ZNF677: variants seen among roughly 807,000 people sequenced by gnomAD.
The protein encoded by ZNF677 is zinc finger protein 677, also known as hypothetical protein MGC48625.
A neutral mutation model predicts 8.1 loss-of-function variants in ZNF677; 5 were observed. The ratio of observed to expected loss-of-function variants is 0.62; its 90% CI spans 0.32 to 1.29. The LOEUF (loss-of-function observed/expected upper bound fraction) is 1.29. ZNF677 is among the 50% of genes most tolerant of loss of function. The pLI, the probability that ZNF677 is intolerant of heterozygous loss-of-function variation, is 0.05. For synonymous variants in ZNF677, 221 were observed against 225.6 expected, an observed-to-expected ratio of 0.98 and a Z score of 0.18; for missense variants, 685 against 685.9, an observed-to-expected ratio of 1.00 and a Z score of 0.01.
rs374498719 is a variant in ZNF677, at chr19:53,237,986, A to C, written c.741T>G (p.Pro247=). The part of the protein sequence containing the change: ...CNKYRKILKY[P]LLHTQYGRTH... ...TTCTCCCATACTGTGTATGTAATAA[A>C]GGGTATTTCAAAATCTTCCTATATT... The change falls in exon 5 of 5, where the codon CCT becomes CCG. Residue 247 remains proline, a synonymous_variant. Transcript: ENST00000598513. 8.7e-5 allele frequency: 141 copies of C among 1,612,914 alleles called. No homozygotes were observed. The highest frequency in any genetic ancestry group is 1.2e-4 in the Non-Finnish European group (137 of 1,179,854).
rs577320552 is a variant in ZNF677 at position 53,250,303 on chromosome 19, C to G, written c.15+1233G>C. Among the ~76,000 whole-genome samples the G allele has an allele frequency of 2.6e-5, 4 of 152,274 alleles. No individual in the cohort carries two copies. The East Asian group carries it at 7.7e-4, about 29-fold the overall frequency. On this transcript the variant is annotated intron_variant, in intron 3 of 4. Transcript: ENST00000598513. ...ATCCTGGAAGACAGTGTGGTGATTC[C>G]TCAAAGATCGAAAAACAGAATTACC...
intron 3 of ZNF677, among the ~76,000 whole-genome samples, 168 bp downstream of exon 3, chr19:53,251,368 G>A (rs1467790645): frequency 6.6e-6 from 1 of 152,096 alleles, no homozygotes; most frequent in African/African-American, 2.4e-5. Flanking sequence ...CCGTGTTACC[G>A]GGTCACAGTG....
chr19:53,237,482 G>A lies in ZNF677; in HGVS notation c.1245C>T (p.Cys415=). The part of the protein sequence containing the change: ...CNECGKAFKQ[C]SHLTRHQNIH... ...TATTCTGATGCCTAGTGAGATGTGA[G>A]CACTGCTTAAAAGCTTTGCCACACT... The change falls in exon 5 of 5, where the codon TGC becomes TGT. Residue 415 remains cysteine (C), a synonymous_variant. Transcript: ENST00000598513. 1 of 1,613,056 alleles carries A rather than the reference G, an allele frequency of 6.2e-7. No homozygotes were observed. Among genetic ancestry groups the A allele is most frequent in the Non-Finnish European group, 8.5e-7 (1 of 1,179,646 alleles).
chr19:53,247,107 G>A (rs542747254), intron 3 of ZNF677, among the ~76,000 whole-genome samples: 4 of 152,080 alleles, frequency 2.6e-5, no homozygotes, highest in South Asian at 2.1e-4. Context: ...AGTTTCACTC[G>A]ATTGTGGTGT....
chr19:53,253,516 C>T (rs2091266868), intron 1 of ZNF677, among the ~76,000 whole-genome samples: 1 of 152,116 alleles, frequency 6.6e-6, no homozygotes, highest in Admixed American at 6.6e-5. Context: ...GGTGAAAATC[C>T]CGTCTCTGCT....
chr19:53,236,936 T>C lies in ZNF677; in HGVS notation c.*36A>G, dbSNP rs747263373. On this transcript the variant is annotated 3_prime_UTR_variant, in exon 5 of 5. Transcript: ENST00000598513. ...GCTAAAGGCTTTACCACATTTTCGTTTTATATGGTTTCTTTTCACAATGGA... is the reference window on the plus strand; with the variant it reads ...GCTAAAGGCTTTACCACATTTTCGTCTTATATGGTTTCTTTTCACAATGGA... 6.6e-7 allele frequency: 1 copy of C among 1,513,188 alleles called. No individual in the cohort carries two copies. 93.7% of individuals were successfully genotyped at this position (1,513,188 alleles called of 1,614,324 possible).
At chr19:53,250,309 G>A (rs1454690631) in intron 3 of ZNF677, among the ~76,000 whole-genome samples, 2 of 152,164 alleles carry the variant, frequency 1.3e-5, no homozygotes, top group African/African-American at 4.8e-5. Flanking sequence ...ATTCCTCAAA[G>A]ATCGAAAAAC....
At chr19:53,241,207 T>C (rs928616993) in intron 4 of ZNF677, 3 of 151,946 alleles carry the variant, frequency 2.0e-5, no homozygotes, top group Admixed American at 6.6e-5. Context: ...AAAATATATA[T>C]AATAAAACAA....
Position 53,236,627 on chromosome 19 carries a change from G to C in ZNF677, c.*345C>G, listed in dbSNP as rs2090974627. The stretch of plus-strand genomic sequence containing the variant: ...ATAATTTACCACCTTCACTTGTAAT[G>C]CTTCTCTCCAATATGAATGGTGTAT... On this transcript the variant is annotated 3_prime_UTR_variant, in exon 5 of 5. Transcript: ENST00000598513. 6.0e-6 allele frequency: 1 copy of C among 166,172 alleles called. No homozygotes were observed. The highest frequency in any genetic ancestry group is 1.3e-5 in the Non-Finnish European group (1 of 77,710). 10.3% of individuals were successfully genotyped at this position (166,172 alleles called of 1,614,324 possible). A position where few individuals can be genotyped will look rare whatever the true frequency, so the allele number is the denominator to read the frequency against.
At chr19:53,240,430 T>C (rs2091031237) in intron 4 of ZNF677, 1 of 152,030 alleles carries the variant, frequency 6.6e-6, no homozygotes, top group Non-Finnish European at 1.5e-5. Flanking sequence ...GTATTTTTAG[T>C]AGAGACGGGG....
rs1247073923 is a variant in ZNF677 at position 53,237,017 on chromosome 19, A to G, written c.1710T>C (p.His570=). The G allele has an allele frequency of 9.4e-6, 15 of 1,591,910 alleles. No homozygotes were observed. The highest frequency in any genetic ancestry group is 1.2e-5 in the Non-Finnish European group (14 of 1,172,122). ...TAATTTTTGTCTCATTATATTTGAT[A>G]TGTTTTTCTCTATTATAACTTTTTT... ...DHQKSYNREK[H]IKYNETKIKY... Residue 570 remains histidine, a synonymous_variant, in exon 5 of 5, where the codon CAT becomes CAC. Transcript: ENST00000598513.
At chr19:53,245,584 C>T (rs962347981) in intron 3 of ZNF677, among the ~76,000 whole-genome samples, 1 of 152,040 alleles carries the variant, frequency 6.6e-6, no homozygotes, top group African/African-American at 2.4e-5. Flanking sequence ...TATGATCTCA[C>T]ATCTATTAGG....
chr19:53,250,791 C>T (rs1327992626), intron 3 of ZNF677, among the ~76,000 whole-genome samples: 1 of 152,078 alleles, frequency 6.6e-6, no homozygotes, highest in Non-Finnish European at 1.5e-5. Context: ...AGCTATATAA[C>T]AAACCTACCC....
At chr19:53,247,632 T>A (rs2091167061) in intron 3 of ZNF677, among the ~76,000 whole-genome samples, 1 of 152,178 alleles carries the variant, frequency 6.6e-6, no homozygotes, top group Admixed American at 6.5e-5. Flanking sequence ...TCCTTGTAAT[T>A]TTTGTTCCAA....
intron 4 of ZNF677, chr19:53,241,713 G>T: frequency 2.5e-6 from 1 of 394,462 alleles, no homozygotes; most frequent in South Asian, 1.3e-4. Flanking sequence ...TCAGCATACT[G>T]GGACATGCAG....
At chr19:53,242,654 T>C in intron 4 of ZNF677, 1 of 374,776 alleles carries the variant, frequency 2.7e-6, no homozygotes, top group Non-Finnish European at 4.7e-6. Context: ...CCAGATACAT[T>C]TTGGGGGAGC....
rs143592638 is a variant in ZNF677 at position 53,237,686 on chromosome 19, G to C, written c.1041C>G (p.Tyr347Ter). ...ATGCCTTACCACATTCATTACATTT[G>C]TAAGGTTTCTCTCCAGTATGCATCC... ...HQRMHTGEKP[Y>*]KCNECGKAFI... The change falls in exon 5 of 5, where the codon TAC becomes TAG. Residue 347 changes from tyrosine to a stop codon, truncating the protein, a stop_gained. Transcript: ENST00000598513. LOFTEE classifies it low-confidence loss of function (END_TRUNC). 1.2e-6 allele frequency: 2 copies of C among 1,613,074 alleles called. No individual in the cohort carries two copies. Among genetic ancestry groups the C allele is most frequent in the Non-Finnish European group, 8.5e-7 (1 of 1,179,636 alleles).
chr19:53,252,956 A>G (rs2091257923), intron 2 of ZNF677, 130 bp downstream of exon 2: 1 of 152,256 alleles, frequency 6.6e-6, no homozygotes, highest in African/African-American at 2.4e-5. Context: ...AAGTCTACTG[A>G]AAACATAAAC....
intron 3 of ZNF677, among the ~76,000 whole-genome samples, chr19:53,246,141 A>AC (rs1339970464): frequency 6.6e-6 from 1 of 151,680 alleles, no homozygotes. Context: ...ACATGGTGAA[A>AC]CCCCGTCTCT....
Sources: allele counts gnomAD v4.1 joint callset (sites outside exome capture counted in the v4.1 genomes callset), GRCh38; gene constraint gnomAD v4.1.1; transcripts MANE v1.5; gene names NCBI Gene and HGNC (gene_info 2026-07-23, HGNC 2026-07-21).